MAGI2: variants seen among roughly 807,000 people sequenced by gnomAD.
MAGI2 encodes membrane-associated guanylate kinase, WW and PDZ domain-containing protein 2.
In MAGI2, 35 loss-of-function variants were observed where a neutral mutation model predicts 133.3. The ratio of observed to expected loss-of-function variants is 0.26; its 90% confidence interval spans 0.20 to 0.35. The LOEUF (loss-of-function observed/expected upper bound fraction) is 0.35. Among genes scored for constraint, MAGI2 ranks in the 10% least tolerant of loss-of-function variants. The probability of loss-of-function intolerance (pLI) is 1.00; values close to 1 mark genes in which losing one functional copy is unlikely to be tolerated. For synonymous variants in MAGI2, 729 were observed against 710.6 expected, an observed-to-expected ratio of 1.03 and a Z score of -0.41; for missense variants, 1,636 against 1,863.4, an observed-to-expected ratio of 0.88 and a Z score of 2.25.
rs574919570 is a variant in MAGI2 at position 78,819,320 on chromosome 7, T to C, written c.418+187770A>G. ...TGTTTTGGACATTGTGACTCTTGTA[T>C]GTAAATTTGTCTCCTTCATGGCTTT... On this transcript the variant is annotated intron_variant, in intron 2 of 21. Transcript: ENST00000354212. Among the ~76,000 whole-genome samples the C allele has an allele frequency of 7.2e-5, 11 of 152,232 alleles. No individual in the cohort carries two copies. In the South Asian group the frequency reaches 2.3e-3, roughly 32 times the overall value.
At chr7:78,858,671 A>G (rs569631818) in intron 2 of MAGI2, among the ~76,000 whole-genome samples, 1 of 152,266 alleles carries the variant, frequency 6.6e-6, no homozygotes, top group East Asian at 1.9e-4. Flanking sequence ...TTTACTTCCA[A>G]CTATGTGGTC....
chr7:79,107,417 C>T lies in MAGI2; in HGVS notation c.302-100211G>A, dbSNP rs115880778. On this transcript the variant is annotated intron_variant, in intron 1 of 21. Coordinates refer to ENST00000354212, the MANE Select transcript of MAGI2 (RefSeq NM_012301.4). ...CTGAATGAACCTGAAAGTGGATTCT[C>T]CCCTAGAAGCCCCAGAGAGGATCCC... Among the ~76,000 whole-genome samples, 899 of 152,254 alleles carry T rather than the reference C, an allele frequency of 5.9e-3. 8 individuals are homozygous for T. Among genetic ancestry groups the T allele is most frequent in the African/African-American group, 0.02 (834 of 41,578 alleles).
At chr7:78,205,956 G>A (rs1353465434) in intron 10 of MAGI2, among the ~76,000 whole-genome samples, 1 of 152,150 alleles carries the variant, frequency 6.6e-6, no homozygotes, top group Non-Finnish European at 1.5e-5. Context: ...GGATGCTGTG[G>A]CCAATGCTAG....
chr7:79,364,504 A>C (rs1842567726), intron 1 of MAGI2, among the ~76,000 whole-genome samples: 1 of 152,094 alleles, frequency 6.6e-6, no homozygotes, highest in East Asian at 1.9e-4. Context: ...AATTTTAAAA[A>C]CAACATGAGA....
intron 1 of MAGI2, among the ~76,000 whole-genome samples, chr7:79,113,470 A>AG (rs1437746981): frequency 7.9e-5 from 12 of 152,184 alleles, no homozygotes; most frequent in Non-Finnish European, 2.9e-5. Context: ...AAGGCAACAC[A>AG]ACTCTAAGTT....
At chr7:79,339,367 A>G (rs996748641) in intron 1 of MAGI2, among the ~76,000 whole-genome samples, 2 of 152,046 alleles carry the variant, frequency 1.3e-5, no homozygotes, top group African/African-American at 4.8e-5. Context: ...TAGGTAATAT[A>G]CTTTGACTCC....
chr7:79,055,005 C>T (rs1019424773), intron 1 of MAGI2, among the ~76,000 whole-genome samples: 1 of 152,168 alleles, frequency 6.6e-6, no homozygotes, highest in Admixed American at 6.5e-5. Flanking sequence ...ATTGGCCAGG[C>T]TGATCTCGAA....
intron 1 of MAGI2, among the ~76,000 whole-genome samples, chr7:79,166,837 G>A (rs144522977): frequency 1.7e-3 from 262 of 152,008 alleles, no homozygotes; most frequent in African/African-American, 6.0e-3. Flanking sequence ...AATAATAGAG[G>A]CTAGTAATAT....
At chr7:79,026,806 G>A (rs531754951) in intron 1 of MAGI2, among the ~76,000 whole-genome samples, 3 of 152,020 alleles carry the variant, frequency 2.0e-5, no homozygotes, top group Non-Finnish European at 2.9e-5. Context: ...CCCGAGAGGC[G>A]GAGGTTGCAG....
intron 1 of MAGI2, among the ~76,000 whole-genome samples, chr7:79,082,503 G>A (rs1816131054): frequency 6.6e-6 from 1 of 151,964 alleles, no homozygotes; most frequent in African/African-American, 2.4e-5. Context: ...AATTATCTTG[G>A]CATTCTTGTC....
chr7:78,373,184 G>C (rs1794101277), intron 6 of MAGI2, among the ~76,000 whole-genome samples: 1 of 152,130 alleles, frequency 6.6e-6, no homozygotes, highest in South Asian at 2.1e-4. Context: ...ATTCAATAAA[G>C]TAGCTGACAA....
intron 3 of MAGI2, among the ~76,000 whole-genome samples, chr7:78,607,910 G>C (rs958953760): frequency 6.6e-6 from 1 of 152,032 alleles, no homozygotes; most frequent in African/African-American, 2.4e-5. Flanking sequence ...CCTATGACCT[G>C]GTCACTTCAA....
chr7:78,662,703 A>G (rs771068542), intron 2 of MAGI2, among the ~76,000 whole-genome samples: 1 of 152,244 alleles, frequency 6.6e-6, no homozygotes, highest in Non-Finnish European at 1.5e-5. Context: ...AAGGTTTCAT[A>G]AAATAAAATT....
chr7:78,057,986 T>TATATATATATATATATATATATAG, intron 21 of MAGI2, among the ~76,000 whole-genome samples: 1 of 131,270 alleles, frequency 7.6e-6, no homozygotes, highest in South Asian at 2.5e-4. Flanking sequence ...TGTATATATA[T>TATATATATATATATATATATATAG]ATATATATAT....
chr7:79,192,666 G>T (rs1827774331), intron 1 of MAGI2, among the ~76,000 whole-genome samples: 1 of 151,856 alleles, frequency 6.6e-6, no homozygotes. Flanking sequence ...GTGGCTGAAG[G>T]TTTTTTTGGG....
At chr7:78,927,377 G>A (rs1799788693) in intron 2 of MAGI2, among the ~76,000 whole-genome samples, 1 of 151,954 alleles carries the variant, frequency 6.6e-6, no homozygotes, top group African/African-American at 2.4e-5. Context: ...TAGGTATTAA[G>A]CACAGCTAAA....
intron 2 of MAGI2, among the ~76,000 whole-genome samples, chr7:78,910,119 AT>A (rs1441434100): frequency 1.3e-5 from 2 of 149,838 alleles, no homozygotes; most frequent in Non-Finnish European, 3.0e-5. Context: ...GGAGCAACAC[AT>A]TCTGGGTCCT....
chr7:78,801,930 A>T (rs1788095285), intron 2 of MAGI2, among the ~76,000 whole-genome samples: 1 of 152,190 alleles, frequency 6.6e-6, no homozygotes, highest in Non-Finnish European at 1.5e-5. Context: ...AAATACTATG[A>T]AATGCACCGA....
chr7:78,100,957 T>C (rs540888018), intron 20 of MAGI2, among the ~76,000 whole-genome samples: 6 of 144,834 alleles, frequency 4.1e-5, no homozygotes, highest in Non-Finnish European at 7.5e-5. Flanking sequence ...TACAATAGCA[T>C]CAAAAAGATT....
Sources: allele counts gnomAD v4.1 joint callset (sites outside exome capture counted in the v4.1 genomes callset), GRCh38; gene constraint gnomAD v4.1.1; transcripts MANE v1.5; gene names NCBI Gene and HGNC (gene_info 2026-07-23, HGNC 2026-07-21).